CUX1: variants seen among roughly 807,000 people sequenced by gnomAD.
CUX1 encodes cut like homeobox 1.
CUX1 carries 31 observed loss-of-function variants against 158.8 expected under a neutral mutation model. The observed-to-expected ratio is 0.20, with a 90% CI of 0.15 to 0.26. The LOEUF (loss-of-function observed/expected upper bound fraction) is 0.26, where lower values mean the gene tolerates loss of function less well. Among genes scored for constraint, CUX1 ranks in the 10% least tolerant of loss-of-function variants. CUX1 has a pLI of 1.00. For missense variants in CUX1, 1,589 were observed against 2,014.6 expected (o/e 0.79, Z 4.04); for synonymous variants, 879 against 862.1 (o/e 1.02, Z -0.34).
chr7:102,248,311 C>A lies in CUX1; in HGVS notation c.3888-101C>A. The A allele has an allele frequency of 8.7e-7, 1 of 1,152,282 alleles. No homozygotes were observed. Among genetic ancestry groups the A allele is most frequent in the South Asian group, 1.5e-5 (1 of 64,552 alleles). The allele number at this position is 1,152,282 out of a possible 1,614,324, so 71.4% of individuals were successfully genotyped here. ...GGCACGGAGGGGCCTCCAGGCTGGA[C>A]GGAGCAGGAGCCCCAGAGAGAGGGG... On this transcript the variant is annotated intron_variant, in intron 23 of 23. Transcript: ENST00000292535. This position sits in a 1 kb window ranked among gnomAD's most constrained non-coding sequence, Gnocchi z 5.8.
intron 3 of CUX1, among the ~76,000 whole-genome samples, chr7:102,056,864 C>T (rs533944160): frequency 1.2e-3 from 178 of 143,774 alleles, no homozygotes; most frequent in African/African-American, 4.2e-3. Context: ...CCACCACACT[C>T]GGCTGATAAA....
At chr7:102,043,456 G>A (rs1822367379) in intron 3 of CUX1, among the ~76,000 whole-genome samples, 1 of 151,268 alleles carries the variant, frequency 6.6e-6, no homozygotes, top group African/African-American at 2.4e-5. Flanking sequence ...CTGTACCTTG[G>A]AAAAGAAAAC....
Position 101,916,071 on chromosome 7 carries a change from A to G in CUX1, c.31-44A>G, listed in dbSNP as rs1311580984. ...CAAATAGGACCCTCCTCTAGTACAC[A>G]GTGCAATTACAATCTCACTTTTCCT... On this transcript the variant is annotated intron_variant, in intron 1 of 23. Coordinates refer to ENST00000292535, the MANE Select transcript of CUX1 (RefSeq NM_181552.4). This position sits in a 1 kb window ranked among gnomAD's most constrained non-coding sequence, Gnocchi z 4.4. 1 of 1,349,972 alleles carries G rather than the reference A, an allele frequency of 7.4e-7. No homozygotes were observed. The highest frequency in any genetic ancestry group is 1.2e-5 in the South Asian group (1 of 85,584). 83.6% of individuals were successfully genotyped at this position (1,349,972 alleles called of 1,614,324 possible). A position where few individuals can be genotyped will look rare whatever the true frequency, so the allele number is the denominator to read the frequency against.
intron 14 of CUX1, 21 bp downstream of exon 14, chr7:102,195,624 G>T (rs200600748): frequency 6.3e-6 from 10 of 1,584,510 alleles, no homozygotes; most frequent in Non-Finnish European, 7.7e-6. Flanking sequence ...CGGGCTTCGC[G>T]CGTGTGCGGT....
intron 11 of CUX1, among the ~76,000 whole-genome samples, chr7:102,188,204 T>TTA (rs1554515843): frequency 4.8e-5 from 7 of 147,322 alleles, no homozygotes; most frequent in African/African-American, 1.5e-4. Flanking sequence ...GTCTCTTTTT[T>TTA]AAAAAAAAAA....
At chr7:102,053,999 A>G (rs1357873104) in intron 3 of CUX1, among the ~76,000 whole-genome samples, 3 of 151,550 alleles carry the variant, frequency 2.0e-5, no homozygotes, top group Non-Finnish European at 4.4e-5. Context: ...GTAGAAACAG[A>G]GTTTCGCCAT....
intron 2 of CUX1, among the ~76,000 whole-genome samples, chr7:101,998,352 G>A (rs1256345781): frequency 6.6e-6 from 1 of 152,242 alleles, no homozygotes. Flanking sequence ...AGCTGTAGGT[G>A]CACATTTACC....
intron 1 of CUX1, among the ~76,000 whole-genome samples, chr7:101,915,619 T>C (rs4727512): frequency 0.88 from 134,107 of 152,172 alleles, 59,216 homozygotes; most frequent in East Asian, 0.99. Context: ...AGTATTACTC[T>C]CAGAGATCCC....
chr7:102,035,069 T>C (rs1821267751), intron 3 of CUX1, among the ~76,000 whole-genome samples: 1 of 64,146 alleles, frequency 1.6e-5, no homozygotes, highest in South Asian at 6.3e-4. Flanking sequence ...GACCCAGTGG[T>C]GGTAAAAAAA....
intron 2 of CUX1, chr7:101,932,720 T>TCAAGCA: frequency 2.5e-6 from 1 of 405,802 alleles, no homozygotes; most frequent in Non-Finnish European, 5.0e-6. Flanking sequence ...ATTTCATACG[T>TCAAGCA]ATTTAAATGA....
At chr7:102,009,135 G>A (rs960788471) in intron 2 of CUX1, among the ~76,000 whole-genome samples, 9 of 152,328 alleles carry the variant, frequency 5.9e-5, no homozygotes, top group African/African-American at 1.7e-4. Flanking sequence ...GGCGCCAGCC[G>A]CACCCAGAGT....
intron 23 of CUX1, among the ~76,000 whole-genome samples, chr7:102,244,101 G>C (rs1185522429): frequency 6.6e-6 from 1 of 152,190 alleles, no homozygotes; most frequent in African/African-American, 2.4e-5. Flanking sequence ...CAGAGATGCA[G>C]ACTGAGTTTC....
In CUX1 at chr7:101,907,917, C is replaced by T. The variant is rs760579568; in HGVS notation, c.31-8198C>T. 1.6e-4 allele frequency among the ~76,000 whole-genome samples: 25 copies of T among 151,870 alleles called. No individual in the cohort carries two copies. The South Asian group carries it at 3.5e-3, about 21-fold the overall frequency. ...GGAGGATCGCCTGAGCCCAGGAATT[C>T]GAGACCAGCCAGGACAACATAGCAA... is the stretch of plus-strand genomic sequence containing the variant. On this transcript the variant is annotated intron_variant, in intron 1 of 23. Transcript: ENST00000292535.
chr7:102,160,403 T>G (rs1554506686), intron 9 of CUX1, among the ~76,000 whole-genome samples: 1 of 152,022 alleles, frequency 6.6e-6, no homozygotes, highest in Admixed American at 6.6e-5. Flanking sequence ...CAGAACAGGT[T>G]CTCTGTGGTC....
chr7:102,021,614 CTT>C (rs67147187), intron 2 of CUX1, among the ~76,000 whole-genome samples: 9 of 109,356 alleles, frequency 8.2e-5, no homozygotes, highest in Admixed American at 1.8e-4. Flanking sequence ...TTTTTTTTCT[CTT>C]TTTTTTTTTT....
intron 2 of CUX1, among the ~76,000 whole-genome samples, chr7:102,025,425 C>T (rs2129328240): frequency 6.6e-6 from 1 of 152,242 alleles, no homozygotes; most frequent in South Asian, 2.1e-4. Flanking sequence ...CCTGGGAGTT[C>T]AAGACCAGCC....
intron 20 of CUX1, among the ~76,000 whole-genome samples, chr7:102,225,006 C>A (rs565747367): frequency 6.6e-6 from 1 of 152,204 alleles, no homozygotes; most frequent in Non-Finnish European, 1.5e-5. Context: ...GCCATCCTTA[C>A]GGTACGGTTC....
chr7:102,056,975 C>T (rs1470971980), intron 3 of CUX1, among the ~76,000 whole-genome samples: 1 of 150,734 alleles, frequency 6.6e-6, no homozygotes. Context: ...GATCTCGGCT[C>T]ACTGCAACCT....
chr7:101,973,672 G>A (rs540839241), intron 2 of CUX1, among the ~76,000 whole-genome samples: 1 of 152,102 alleles, frequency 6.6e-6, no homozygotes, highest in African/African-American at 2.4e-5. Context: ...AATTTTGAAA[G>A]AAGAGGGAAA....
Sources: allele counts gnomAD v4.1 joint callset (sites outside exome capture counted in the v4.1 genomes callset), GRCh38; gene constraint gnomAD v4.1.1; non-coding constraint Gnocchi (gnomAD v3.1); transcripts MANE v1.5; gene names NCBI Gene and HGNC (gene_info 2026-07-23, HGNC 2026-07-21).